SEZ6L2: variants seen among roughly 807,000 people sequenced by gnomAD.
SEZ6L2 encodes seizure 6-like protein 2.
SEZ6L2 carries 44 observed loss-of-function variants against 97.0 expected under a neutral mutation model. The observed-to-expected ratio is 0.45, with a 90% CI of 0.36 to 0.58. The LOEUF is 0.58. Ranked by LOEUF, SEZ6L2 falls within the 20% of genes least tolerant of loss-of-function variation. SEZ6L2 has a pLI of 0.00. For missense variants in SEZ6L2, 1,086 were observed against 1,233.3 expected, an observed-to-expected ratio of 0.88 and a Z score of 1.79; for synonymous variants, 543 against 546.1, an observed-to-expected ratio of 0.99 and a Z score of 0.08.
chr16:29,897,146 A>G (rs1258591054), intron 2 of SEZ6L2, 25 bp from the exon 3 acceptor site: 6 of 1,511,396 alleles, frequency 4.0e-6, no homozygotes, highest in Non-Finnish European at 5.3e-6. Flanking sequence ...GGAATATCAG[A>G]GCACAGGAGG....
At chr16:29,880,169 CTT>C (rs71373211) in intron 8 of SEZ6L2, 105 bp from the exon 9 acceptor site, 3,050 of 778,064 alleles carry the variant, frequency 3.9e-3, no homozygotes, top group Non-Finnish European at 4.6e-3. Flanking sequence ...ACTCACTGGG[CTT>C]TTTTTTTTTT....
chr16:29,871,826 C>T, intron 17 of SEZ6L2, 98 bp from the exon 18 acceptor site: 7 of 1,095,558 alleles, frequency 6.4e-6, no homozygotes, highest in Non-Finnish European at 8.2e-6. Flanking sequence ...TTTAAAGTAA[C>T]ATTGACCTCT....
Position 29,895,387 on chromosome 16 carries a change from G to C in SEZ6L2, c.725C>G (p.Pro242Arg), listed in dbSNP as rs776318632. ...CATGGATGAGTTGGCCAGGAGTCGG[G>C]GGGCCAGGCCTGGGGATCCCCCACC... is the stretch of plus-strand genomic sequence containing the variant. ...LAGGGSPGLA[P>R]RLLANSSMLG... is the part of the protein sequence containing the mutation. Residue 242 changes from proline to arginine, a missense_variant, in exon 5 of 18, where the codon CCC (proline) becomes CGC (arginine). Physicochemically the swap from Pro to Arg is moderately radical, Grantham distance 103. Around this residue, in one of 2 missense-constraint regions of SEZ6L2, gnomAD observed 776 missense variants for 794.7 expected, o/e 0.98. Coordinates refer to ENST00000617533, the MANE Select transcript of SEZ6L2 (RefSeq NM_001243332.2). 5.6e-6 allele frequency: 9 copies of C among 1,613,966 alleles called. No individual in the cohort carries two copies. Among genetic ancestry groups the C allele is most frequent in the African/African-American group, 1.3e-5 (1 of 74,896 alleles).
intron 5 of SEZ6L2, among the ~76,000 whole-genome samples, chr16:29,889,255 A>C (rs889714460): frequency 6.6e-6 from 1 of 152,106 alleles, no homozygotes; most frequent in African/African-American, 2.4e-5. Context: ...AGCCTGGCCA[A>C]CATGGTAAAA....
chr16:29,877,849 C>T (rs2067944170), intron 10 of SEZ6L2, among the ~76,000 whole-genome samples: 1 of 152,222 alleles, frequency 6.6e-6, no homozygotes, highest in Non-Finnish European at 1.5e-5. Context: ...TGAGTACCTG[C>T]TTTGAAGCCA....
chr16:29,898,975 C>A lies in SEZ6L2; in HGVS notation c.45G>T (p.Leu15=), dbSNP rs574623238. Residue 15 remains leucine, a synonymous_variant, in exon 1 of 18, where the codon CTG becomes CTT. Transcript: ENST00000617533. ...RAQHPPPPQL[L]FLILLSCPWI... ...AGGGACAGCTCAGCAGAATTAGGAA[C>A]AGCAGCTGGGGAGGCGGCGGGTGCT... is the stretch of plus-strand genomic sequence containing the variant. 1 of 1,612,412 alleles carries A rather than the reference C, an allele frequency of 6.2e-7. No individual in the cohort carries two copies. The highest frequency in any genetic ancestry group is 1.1e-5 in the South Asian group (1 of 91,010).
chr16:29,881,250 A>G (rs1057126653), intron 8 of SEZ6L2, among the ~76,000 whole-genome samples: 10 of 152,196 alleles, frequency 6.6e-5, no homozygotes, highest in Admixed American at 6.6e-5. Flanking sequence ...CCATAGACCA[A>G]AAAGCCACTT....
At chr16:29,879,418 T>G (rs1262476078) in intron 9 of SEZ6L2, among the ~76,000 whole-genome samples, 1 of 151,466 alleles carries the variant, frequency 6.6e-6, no homozygotes, top group Non-Finnish European at 1.5e-5. Context: ...AGAGACAGGG[T>G]TTCTCCATGT....
Position 29,872,742 on chromosome 16 carries a change from A to C in SEZ6L2, c.2490T>G (p.Val830=). Residue 830 remains valine, a splice_region_variant and synonymous_variant, in exon 15 of 18, where the codon GTT becomes GTG. Transcript: ENST00000617533. Reference sequence around the variant, plus strand: ...GGTTGTCCAGGAGCTCCTCATAGGCAACTGCAGGGAGAGGAGGGGGAGGGG... The same window carrying C: ...GGTTGTCCAGGAGCTCCTCATAGGCCACTGCAGGGAGAGGAGGGGGAGGGG... ...QWTSQPPLCK[V]AYEELLDNRK... 1 of 1,612,092 alleles carries C rather than the reference A, an allele frequency of 6.2e-7. No homozygotes were observed. The highest frequency in any genetic ancestry group is 8.5e-7 in the Non-Finnish European group (1 of 1,179,330).
intron 6 of SEZ6L2, 136 bp downstream of exon 6, chr16:29,888,404 G>A (rs2068193467): frequency 1.2e-6 from 1 of 848,216 alleles, no homozygotes. Context: ...CAGACCCCAG[G>A]ATGGGGACTC....
At position 29,885,568 on chromosome 16, in the gene SEZ6L2, GGGGAGT is replaced by G. The variant is rs1397905324; in HGVS notation, c.1372+12_1372+17del. The G allele has an allele frequency of 6.2e-7, 1 of 1,608,284 alleles. No individual in the cohort carries two copies. Among genetic ancestry groups the G allele is most frequent in the Admixed American group, 1.7e-5 (1 of 59,902 alleles). On this transcript the variant is annotated intron_variant, in intron 8 of 17. Coordinates refer to ENST00000617533, the MANE Select transcript of SEZ6L2 (RefSeq NM_001243332.2). ...AAGGTGTGGCGGTTGGGGTCCTGTG[GGGGAGT>G]GGGTCACTTACCTTCAAATCGAAGG...
At chr16:29,889,947 T>G (rs1251356643) in intron 5 of SEZ6L2, among the ~76,000 whole-genome samples, 1 of 152,050 alleles carries the variant, frequency 6.6e-6, no homozygotes, top group East Asian at 1.9e-4. Context: ...CTCACTCTGT[T>G]GCCCAGGCTG....
chr16:29,897,243 A>G (rs918861376), intron 2 of SEZ6L2, 122 bp from the exon 3 acceptor site: 2 of 869,516 alleles, frequency 2.3e-6, no homozygotes, highest in Non-Finnish European at 3.4e-6. Context: ...CGCACAAGGT[A>G]CAGCACCCCC....
intron 17 of SEZ6L2, 118 bp from the exon 18 acceptor site, chr16:29,871,846 G>C: frequency 1.1e-6 from 1 of 890,230 alleles, no homozygotes; most frequent in Non-Finnish European, 1.8e-6. Context: ...TAGGGGCTGG[G>C]GGGCCAGTGA....
intron 2 of SEZ6L2, 60 bp from the exon 3 acceptor site, chr16:29,897,181 G>A: frequency 7.3e-7 from 1 of 1,378,488 alleles, no homozygotes; most frequent in South Asian, 1.4e-5. Context: ...CTTGGGTGGG[G>A]AGCAGGGCTG....
intron 8 of SEZ6L2, among the ~76,000 whole-genome samples, chr16:29,885,241 T>C (rs575875753): frequency 6.6e-6 from 1 of 151,706 alleles, no homozygotes; most frequent in East Asian, 1.9e-4. Flanking sequence ...AAATAAAAAT[T>C]AAGTTGGTGG....
At chr16:29,887,354 G>A (rs1051526699) in intron 7 of SEZ6L2, among the ~76,000 whole-genome samples, 4 of 149,642 alleles carry the variant, frequency 2.7e-5, no homozygotes, top group African/African-American at 9.8e-5. Context: ...AGGATGGAGT[G>A]CAGTGGTGCG....
In SEZ6L2 at chr16:29,887,774, G is replaced by A. The variant is rs184853699; in HGVS notation, c.1083C>T (p.Ile361=). 150 of 1,613,904 alleles carry A rather than the reference G, an allele frequency of 9.3e-5. No homozygotes were observed. In the East Asian group the frequency reaches 2.6e-3, roughly 28 times the overall value. The change falls in exon 7 of 18, where the codon ATC becomes ATT. Residue 361 remains isoleucine, a synonymous_variant. Coordinates refer to ENST00000617533, the MANE Select transcript of SEZ6L2 (RefSeq NM_001243332.2). ...GTIHNATLGR[I]VSPEPGGAVG... ...CGGCTCCCCCAGGCTCTGGGGACAC[G>A]ATGCGGCCCAGGGTGGCATTGTGGA...
intron 7 of SEZ6L2, 59 bp downstream of exon 7, chr16:29,887,590 G>A: frequency 6.7e-7 from 1 of 1,494,688 alleles, no homozygotes; most frequent in Non-Finnish European, 9.0e-7. Flanking sequence ...GGGATTACAG[G>A]CATGAGCCAC....
Sources: allele counts gnomAD v4.1 joint callset (sites outside exome capture counted in the v4.1 genomes callset), GRCh38; gene constraint gnomAD v4.1.1; regional missense constraint gnomAD v4.1.1; transcripts MANE v1.5; gene names NCBI Gene and HGNC (gene_info 2026-07-23, HGNC 2026-07-21).